TMPRSS9: variants seen among roughly 807,000 people sequenced by gnomAD.
The protein encoded by TMPRSS9 is transmembrane protease serine 9.
Under a neutral mutation model 111.4 loss-of-function variants are expected in TMPRSS9, and 113 were observed. The observed-to-expected ratio is 1.01, with a 90% CI of 0.87 to 1.19. The LOEUF (loss-of-function observed/expected upper bound fraction) is 1.19, where lower values mean the gene tolerates loss of function less well. Among genes scored for constraint, TMPRSS9 ranks in the 50% most tolerant of loss-of-function variants. TMPRSS9 has a pLI of 0.00. For synonymous variants in TMPRSS9, 805 were observed against 659.1 expected (o/e 1.22, Z -3.39); for missense variants, 1,803 against 1,513.1 (o/e 1.19, Z -3.18).
chr19:2,361,407 T>G (rs1599271346), intron 1 of TMPRSS9, among the ~76,000 whole-genome samples: 3 of 149,690 alleles, frequency 2.0e-5, no homozygotes, highest in East Asian at 2.0e-4. Flanking sequence ...CTGGAGTGGG[T>G]GCCAGGCATC....
chr19:2,380,598 C>CAAAAAAAAAAAAAAAAAAAAAAAAAAAAA (rs112276283), intron 1 of TMPRSS9, among the ~76,000 whole-genome samples: 1 of 110,870 alleles, frequency 9.0e-6, no homozygotes. Context: ...AAGACTCCAC[C>CAAAAAAAAAAAAAAAAAAAAAAAAAAAAA]AAAAAAAAAA....
At chr19:2,423,115 G>C (rs911834757) in intron 14 of TMPRSS9, among the ~76,000 whole-genome samples, 38 of 151,178 alleles carry the variant, frequency 2.5e-4, no homozygotes, top group Admixed American at 5.3e-4. Flanking sequence ...GCTGTGCCAT[G>C]TCCTTGGGTG....
exon 4 of TMPRSS9, chr19:2,399,190 A>T: frequency 1.3e-6 from 2 of 1,595,618 alleles, no homozygotes; most frequent in Non-Finnish European, 1.7e-6. Flanking sequence ...GGCTGAGCTC[A>T]CAGGTGAGTG....
chr19:2,416,415 G>C, intron 11 of TMPRSS9, 123 bp from the exon 13 acceptor site: 1 of 1,308,394 alleles, frequency 7.6e-7, no homozygotes, highest in Non-Finnish European at 1.0e-6. Flanking sequence ...GAAGGTCAGA[G>C]GATGGTCCTG....
At chr19:2,394,406 A>G (rs2145296786) in intron 1 of TMPRSS9, among the ~76,000 whole-genome samples, 1 of 152,296 alleles carries the variant, frequency 6.6e-6, no homozygotes, top group Middle Eastern at 3.4e-3. Context: ...ATTTAAAAAA[A>G]TAAAAATGAG....
chr19:2,407,365 C>T (rs1410329747), intron 7 of TMPRSS9, among the ~76,000 whole-genome samples: 1 of 151,218 alleles, frequency 6.6e-6, no homozygotes, highest in African/African-American at 2.4e-5. Context: ...CTACTAAAAA[C>T]ACACAAAAAA....
In TMPRSS9 at chr19:2,403,520, G is replaced by A. The variant is rs144378188; in HGVS notation, c.670+325G>A. On this transcript the variant is annotated intron_variant, in intron 6 of 17. Coordinates refer to ENST00000648592, the Ensembl canonical transcript of TMPRSS9. ...AGCTCTGTCCTATAAGCAGTGGGGCGTGGCCACAGGGATGTGAGCAACGGA... is the reference window on the plus strand; with the variant it reads ...AGCTCTGTCCTATAAGCAGTGGGGCATGGCCACAGGGATGTGAGCAACGGA... 1.4e-4 allele frequency among the ~76,000 whole-genome samples: 21 copies of A among 152,200 alleles called. No homozygotes were observed. In the East Asian group the frequency reaches 3.7e-3, roughly 27 times the overall value.
chr19:2,368,406 C>G (rs1970263466), intron 1 of TMPRSS9, among the ~76,000 whole-genome samples: 1 of 151,534 alleles, frequency 6.6e-6, no homozygotes, highest in Non-Finnish European at 1.5e-5. Flanking sequence ...CAGCCTGTGC[C>G]TTTGAAGGCA....
chr19:2,401,228 C>T (rs562977737), intron 4 of TMPRSS9, among the ~76,000 whole-genome samples: 31 of 152,070 alleles, frequency 2.0e-4, no homozygotes, highest in African/African-American at 7.2e-4. Flanking sequence ...GAGCCGAGAT[C>T]GCGCCACTGC....
At chr19:2,368,422 G>A (rs1163236445) in intron 1 of TMPRSS9, among the ~76,000 whole-genome samples, 1 of 152,190 alleles carries the variant, frequency 6.6e-6, no homozygotes, top group Non-Finnish European at 1.5e-5. Flanking sequence ...AGGCACTGAG[G>A]CTGGACCATG....
At chr19:2,379,275 T>C (rs1970362224) in intron 1 of TMPRSS9, among the ~76,000 whole-genome samples, 1 of 134,486 alleles carries the variant, frequency 7.4e-6, no homozygotes, top group African/African-American at 2.8e-5. Flanking sequence ...AAGCTCCACC[T>C]CCCAGGTTCA....
exon 14 of TMPRSS9, chr19:2,422,116 C>A: frequency 6.2e-7 from 1 of 1,601,280 alleles, no homozygotes; most frequent in Non-Finnish European, 8.5e-7. Context: ...CCCAGCAGAC[C>A]CACCCCTGGG....
At chr19:2,384,492 G>A (rs141967184) in intron 1 of TMPRSS9, among the ~76,000 whole-genome samples, 2 of 152,044 alleles carry the variant, frequency 1.3e-5, no homozygotes, top group African/African-American at 2.4e-5. Flanking sequence ...CCAACATGGC[G>A]AAACCCCATC....
chr19:2,397,170 C>T (rs1970728529), intron 2 of TMPRSS9, among the ~76,000 whole-genome samples: 1 of 152,148 alleles, frequency 6.6e-6, no homozygotes, highest in South Asian at 2.1e-4. Flanking sequence ...ATCTTCCCTC[C>T]ACGGCCTCCC....
At chr19:2,368,462 C>A (rs777721698) in intron 1 of TMPRSS9, among the ~76,000 whole-genome samples, 1 of 152,108 alleles carries the variant, frequency 6.6e-6, no homozygotes, top group African/African-American at 2.4e-5. Context: ...GGCGAGGAGG[C>A]CAGTGAAGCT....
chr19:2,424,712 T>C (rs914248160), intron 15 of TMPRSS9, among the ~76,000 whole-genome samples: 1 of 152,068 alleles, frequency 6.6e-6, no homozygotes, highest in African/African-American at 2.4e-5. Flanking sequence ...GACACCCAGC[T>C]CTGGGCTCTG....
chr19:2,399,528 A>G (rs1247585678), intron 4 of TMPRSS9, among the ~76,000 whole-genome samples: 1 of 152,162 alleles, frequency 6.6e-6, no homozygotes, highest in Non-Finnish European at 1.5e-5. Context: ...GTGAGCCGAG[A>G]TCGTGCCATT....
intron 1 of TMPRSS9, among the ~76,000 whole-genome samples, chr19:2,395,081 G>A (rs1051288767): frequency 3.5e-4 from 53 of 152,228 alleles, no homozygotes; most frequent in African/African-American, 1.3e-3. Flanking sequence ...AGGAGTTCCC[G>A]ACCAGCCTGG....
intron 13 of TMPRSS9, 107 bp downstream of exon 14, chr19:2,418,245 TCCCC>T: frequency 7.8e-7 from 1 of 1,278,294 alleles, no homozygotes; most frequent in East Asian, 2.5e-5. Flanking sequence ...TTTCTTTCCT[TCCCC>T]CCCTCCTTCC....
Sources: gnomAD v4.1 joint callset for allele counts (sites outside exome capture counted in the v4.1 genomes callset) on GRCh38, gnomAD v4.1.1 for gene constraint, MANE v1.5 for transcripts, NCBI Gene and HGNC (gene_info 2026-07-23, HGNC 2026-07-21) for gene names.